The following PLCB1 variants were observed in gnomAD, a reference collection of about 807,000 sequenced individuals.
PLCB1 encodes 1-phosphatidylinositol 4,5-bisphosphate phosphodiesterase beta-1.
In PLCB1, 46 loss-of-function variants were observed where a neutral mutation model predicts 161.8. That is an observed-to-expected ratio of 0.28 (90% confidence interval 0.22 to 0.36). The LOEUF is 0.36. Among genes scored for constraint, PLCB1 ranks in the 10% least tolerant of loss-of-function variants. The pLI is 1.00. For synonymous variants in PLCB1, 517 were observed against 503.7 expected, an observed-to-expected ratio of 1.03 and a Z score of -0.35; for missense variants, 1,016 against 1,472.5, an observed-to-expected ratio of 0.69 and a Z score of 5.07.
chr20:8,556,656 G>GGTGTGTGTGT (rs58160557), intron 3 of PLCB1, among the ~76,000 whole-genome samples: 73 of 141,860 alleles, frequency 5.1e-4, no homozygotes, highest in African/African-American at 1.8e-3. Flanking sequence ...GAGAGGGTTG[G>GGTGTGTGTGT]GTGTGTGTGT....
intron 2 of PLCB1, among the ~76,000 whole-genome samples, chr20:8,345,884 G>A (rs758214035): frequency 6.6e-6 from 1 of 152,116 alleles, no homozygotes; most frequent in Non-Finnish European, 1.5e-5. Context: ...CCCAATTTTG[G>A]CCAGTTTTTA....
chr20:8,831,670 C>T (rs1243201882), intron 31 of PLCB1, among the ~76,000 whole-genome samples: 1 of 152,084 alleles, frequency 6.6e-6, no homozygotes, highest in Non-Finnish European at 1.5e-5. Context: ...CACTCTGTCA[C>T]CCAGCCTGGA....
At chr20:8,601,420 G>A (rs1178621660) in intron 3 of PLCB1, among the ~76,000 whole-genome samples, 4 of 152,078 alleles carry the variant, frequency 2.6e-5, no homozygotes, top group Admixed American at 6.6e-5. Context: ...TTCCCTCTAT[G>A]TGTCTATGTG....
chr20:8,518,286 A>G (rs1367851276), intron 3 of PLCB1, among the ~76,000 whole-genome samples: 1 of 152,078 alleles, frequency 6.6e-6, no homozygotes, highest in African/African-American at 2.4e-5. Context: ...GTCTTCATTG[A>G]CTAATGAATC....
At chr20:8,346,909 T>A (rs896521920) in intron 2 of PLCB1, among the ~76,000 whole-genome samples, 5 of 152,046 alleles carry the variant, frequency 3.3e-5, no homozygotes. Flanking sequence ...AAGAAGTAAA[T>A]GCATAACTCA....
At chr20:8,617,269 T>C (rs1988061833) in intron 3 of PLCB1, among the ~76,000 whole-genome samples, 1 of 152,164 alleles carries the variant, frequency 6.6e-6, no homozygotes, top group South Asian at 2.1e-4. Context: ...CACACAGCCA[T>C]TATGATAAAT....
At chr20:8,428,725 T>C (rs1303342671) in intron 3 of PLCB1, among the ~76,000 whole-genome samples, 2 of 152,184 alleles carry the variant, frequency 1.3e-5, no homozygotes, top group Non-Finnish European at 2.9e-5. Context: ...CTGGTTCAAA[T>C]GAGCTCACAT....
chr20:8,765,397 G>A (rs769929067), intron 26 of PLCB1, 39 bp downstream of exon 26: 2 of 1,428,778 alleles, frequency 1.4e-6, no homozygotes, highest in Admixed American at 1.8e-5. Context: ...TTCATAGCAT[G>A]AAGAGTTGTT....
chr20:8,577,257 G>C (rs1986698110), intron 3 of PLCB1, among the ~76,000 whole-genome samples: 1 of 148,956 alleles, frequency 6.7e-6, no homozygotes, highest in Admixed American at 6.7e-5. Flanking sequence ...GTGAAACCCC[G>C]TCTCTATTAA....
At chr20:8,576,133 CA>C (rs1986666090) in intron 3 of PLCB1, among the ~76,000 whole-genome samples, 1 of 152,146 alleles carries the variant, frequency 6.6e-6, no homozygotes, top group Admixed American at 6.5e-5. Flanking sequence ...CCCAGGTCAT[CA>C]AATTAATAAT....
At chr20:8,481,570 G>A (rs894610079) in intron 3 of PLCB1, among the ~76,000 whole-genome samples, 7 of 152,138 alleles carry the variant, frequency 4.6e-5, no homozygotes, top group African/African-American at 1.7e-4. Flanking sequence ...TGCCTTGGCT[G>A]TATATTTTAG....
rs1286092176 is a variant in PLCB1 at position 8,644,690 on chromosome 20, T to C, written c.385-1412T>C. 2.7e-5 allele frequency among the ~76,000 whole-genome samples: 4 copies of C among 148,828 alleles called. No individual in the cohort carries two copies. The East Asian group carries it at 8.2e-4, about 31-fold the overall frequency. ...GCGTCTCCGCCCGGCAGCCGCCCCG[T>C]CCGGGAGGGAGGTGGGGGGGTCAGC... On this transcript the variant is annotated intron_variant, in intron 4 of 31. Coordinates refer to ENST00000338037, the MANE Select transcript of PLCB1 (RefSeq NM_015192.4).
intron 23 of PLCB1, among the ~76,000 whole-genome samples, chr20:8,748,575 T>A (rs1191800554): frequency 1.3e-5 from 2 of 152,210 alleles, no homozygotes; most frequent in Non-Finnish European, 2.9e-5. Context: ...ATCCATGTCA[T>A]GTCCAATTAT....
At chr20:8,604,495 G>A (rs957773591) in intron 3 of PLCB1, among the ~76,000 whole-genome samples, 2 of 151,968 alleles carry the variant, frequency 1.3e-5, no homozygotes, top group Non-Finnish European at 2.9e-5. Context: ...GGTTTCCCAA[G>A]TAAACATATA....
rs1259013015 is a variant in PLCB1 at position 8,882,881 on chromosome 20, A to G, written c.*1032A>G. ...TATATATGTACCCACTTAGTCATGT[A>G]AGTGCATATACACATACACACACAT... On this transcript the variant is annotated 3_prime_UTR_variant, in exon 32 of 32. Transcript: ENST00000338037. The G allele has an allele frequency of 6.6e-6, 1 of 152,650 alleles. No homozygotes were observed. Among genetic ancestry groups the G allele is most frequent in the Admixed American group, 6.5e-5 (1 of 15,276 alleles). The allele number at this position is 152,650 out of a possible 1,614,324, so 9.5% of individuals were successfully genotyped here. A position where few individuals can be genotyped will look rare whatever the true frequency, so the allele number is the denominator to read the frequency against.
chr20:8,735,545 C>G (rs897490246), intron 19 of PLCB1, among the ~76,000 whole-genome samples: 4 of 152,142 alleles, frequency 2.6e-5, no homozygotes, highest in Admixed American at 2.6e-4. Flanking sequence ...TTTTATAATG[C>G]CAGAATGGAC....
chr20:8,251,082 G>A (rs1233932508), intron 2 of PLCB1, among the ~76,000 whole-genome samples: 2 of 151,902 alleles, frequency 1.3e-5, no homozygotes, highest in African/African-American at 2.4e-5. Flanking sequence ...GTCTGGTAGT[G>A]GTCTGTTCTC....
At chr20:8,282,139 G>A (rs1403692191) in intron 2 of PLCB1, among the ~76,000 whole-genome samples, 1 of 152,006 alleles carries the variant, frequency 6.6e-6, no homozygotes, top group Admixed American at 6.6e-5. Context: ...TTTGTATGTA[G>A]TGCAGTTTAT....
At chr20:8,330,022 C>T (rs2745778) in intron 2 of PLCB1, among the ~76,000 whole-genome samples, 1 of 152,152 alleles carries the variant, frequency 6.6e-6, no homozygotes, top group Non-Finnish European at 1.5e-5. Context: ...GGTGGCAAGA[C>T]GGTGTTCAAG....
Sources: gnomAD v4.1 joint callset for allele counts (sites outside exome capture counted in the v4.1 genomes callset) on GRCh38, gnomAD v4.1.1 for gene constraint, MANE v1.5 for transcripts, NCBI Gene and HGNC (gene_info 2026-07-23, HGNC 2026-07-21) for gene names.